Variants in PCLO observed in about 807,000 individuals in gnomAD.
PCLO encodes the protein protein piccolo.
PCLO carries 82 observed loss-of-function variants against 427.5 expected under a neutral mutation model. The observed-to-expected ratio is 0.19, with a 90% confidence interval of 0.16 to 0.23. PCLO has a LOEUF of 0.23. Ranked by LOEUF, PCLO falls within the 10% of genes least tolerant of loss-of-function variation. The pLI is 1.00. For missense variants in PCLO, 6,239 were observed against 6,115.9 expected (o/e 1.02, Z -0.67); for synonymous variants, 2,357 against 2,155.4 (o/e 1.09, Z -2.59).
At chr7:82,911,979 T>A (rs1487006155) in intron 7 of PCLO, among the ~76,000 whole-genome samples, 2 of 152,088 alleles carry the variant, frequency 1.3e-5, no homozygotes, top group African/African-American at 4.8e-5. Flanking sequence ...ATAAACTATA[T>A]CTATATAGAC....
rs76667866 is a variant in PCLO, at chr7:82,938,607, T to C, written c.11112+10869A>G. Among the ~76,000 whole-genome samples, 377 of 152,020 alleles carry C rather than the reference T, an allele frequency of 2.5e-3. 3 individuals carry two copies. The highest frequency in any genetic ancestry group is 8.8e-3 in the African/African-American group (364 of 41,540). Reference sequence around the variant, plus strand: ...GACCAGTGAGCATAAGGAGAAACAATGAAGAAATTCAAAAACATTTACTTA... The same window carrying C: ...GACCAGTGAGCATAAGGAGAAACAACGAAGAAATTCAAAAACATTTACTTA... On this transcript the variant is annotated intron_variant, in intron 6 of 24. Coordinates refer to ENST00000333891, the MANE Select transcript of PCLO (RefSeq NM_033026.6).
intron 6 of PCLO, among the ~76,000 whole-genome samples, chr7:82,923,657 C>T (rs1794647516): frequency 6.6e-6 from 1 of 151,966 alleles, no homozygotes; most frequent in Admixed American, 6.6e-5. Context: ...TGTTGCACTC[C>T]ATGTAGATAA....
chr7:82,777,682 A>C (rs1446847288), intron 22 of PCLO, among the ~76,000 whole-genome samples: 1 of 152,164 alleles, frequency 6.6e-6, no homozygotes, highest in Non-Finnish European at 1.5e-5. Flanking sequence ...TGCTGAGGTC[A>C]GCTAAGCCAG....
chr7:83,056,707 G>A (rs1350740252), intron 3 of PCLO, among the ~76,000 whole-genome samples: 1 of 152,044 alleles, frequency 6.6e-6, no homozygotes, highest in East Asian at 1.9e-4. Flanking sequence ...GATTAAGACT[G>A]GAAAGGAACT....
chr7:83,099,924 G>A (rs982771449), intron 3 of PCLO, among the ~76,000 whole-genome samples: 1 of 152,060 alleles, frequency 6.6e-6, no homozygotes, highest in African/African-American at 2.4e-5. Flanking sequence ...AGGTTTATAA[G>A]AAAGCATACT....
At chr7:82,981,281 G>A (rs1460351209) in intron 3 of PCLO, among the ~76,000 whole-genome samples, 2 of 151,616 alleles carry the variant, frequency 1.3e-5, no homozygotes, top group Admixed American at 6.6e-5. Flanking sequence ...AATACAGAGG[G>A]TACTTAGGCC....
At chr7:83,040,614 C>G (rs1455293523) in intron 3 of PCLO, among the ~76,000 whole-genome samples, 4 of 152,118 alleles carry the variant, frequency 2.6e-5, no homozygotes, top group African/African-American at 9.7e-5. Flanking sequence ...GACTAGCTGA[C>G]CTACATACAG....
chr7:83,160,004 A>G (rs1248759179), intron 1 of PCLO, among the ~76,000 whole-genome samples: 1 of 152,254 alleles, frequency 6.6e-6, no homozygotes, highest in African/African-American at 2.4e-5. Flanking sequence ...GAAAACTGAC[A>G]CATCAAAATA....
intron 3 of PCLO, among the ~76,000 whole-genome samples, chr7:83,073,649 T>C (rs968462763): frequency 6.6e-5 from 10 of 152,104 alleles, no homozygotes; most frequent in Admixed American, 5.2e-4. Flanking sequence ...ATATTAATTC[T>C]AAATTGCTTA....
intron 3 of PCLO, among the ~76,000 whole-genome samples, chr7:82,971,591 ATATATAT>A (rs946435679): frequency 8.2e-5 from 12 of 147,114 alleles, no homozygotes; most frequent in African/African-American, 2.7e-4. Context: ...ATAATATATA[ATATATAT>A]GATATGATAT....
intron 3 of PCLO, among the ~76,000 whole-genome samples, chr7:83,083,877 AT>A (rs2116408409): frequency 6.6e-6 from 1 of 152,262 alleles, no homozygotes; most frequent in Admixed American, 6.5e-5. Context: ...AATACATTTA[AT>A]TCTCATTTGG....
At chr7:82,912,388 A>T (rs1025765470) in intron 7 of PCLO, among the ~76,000 whole-genome samples, 3 of 151,874 alleles carry the variant, frequency 2.0e-5, no homozygotes, top group Non-Finnish European at 4.4e-5. Context: ...TGTGATACAT[A>T]AACAAAGAAA....
intron 3 of PCLO, among the ~76,000 whole-genome samples, chr7:83,038,368 C>T (rs2116195377): frequency 6.6e-6 from 1 of 151,580 alleles, no homozygotes; most frequent in South Asian, 2.1e-4. Flanking sequence ...TTATCACCCT[C>T]AGCCATTTCA....
chr7:82,996,266 T>C (rs1409648381), intron 3 of PCLO, among the ~76,000 whole-genome samples: 3 of 151,974 alleles, frequency 2.0e-5, no homozygotes, highest in Non-Finnish European at 4.4e-5. Context: ...TCAGTACTCT[T>C]GGGTATTTTC....
intron 6 of PCLO, among the ~76,000 whole-genome samples, chr7:82,948,756 ATAAT>A (rs1159483659): frequency 1.3e-5 from 2 of 152,154 alleles, no homozygotes; most frequent in African/African-American, 4.8e-5. Flanking sequence ...ATATTTGAAA[ATAAT>A]TAATTTATAT....
In PCLO at chr7:82,758,724, A is replaced by G; in HGVS notation, c.15289-9T>C. On this transcript the variant is annotated splice_polypyrimidine_tract_variant and intron_variant, in intron 24 of 24. Coordinates refer to ENST00000333891, the MANE Select transcript of PCLO (RefSeq NM_033026.6). ...TTGGAGAAAAGTAAAATCTAGAAAA[A>G]ATAGGCAAAAATAAACATATTTAAT... 1 of 1,521,718 alleles carries G rather than the reference A, an allele frequency of 6.6e-7. No individual in the cohort carries two copies. Among genetic ancestry groups the G allele is most frequent in the Non-Finnish European group, 9.1e-7 (1 of 1,102,328 alleles). 94.3% of individuals were successfully genotyped at this position (1,521,718 alleles called of 1,614,324 possible).
At position 82,954,452 on chromosome 7, in the gene PCLO, C is replaced by T. The variant is rs17148158; in HGVS notation, c.6501G>A (p.Ser2167=). The T allele has an allele frequency of 1.6e-3, 2,661 of 1,613,812 alleles. 33 individuals carry two copies. The African/African-American group carries it at 0.031, about 19-fold the overall frequency. ...CAGATGTAGCACTTTCTGAAGGCTCCGAGTAGGTCAAAATCAGCGATTCAT... is the reference window on the plus strand; with the variant it reads ...CAGATGTAGCACTTTCTGAAGGCTCTGAGTAGGTCAAAATCAGCGATTCAT... The part of the protein sequence containing the change: ...IAHESLILTY[S]EPSESATSVP... The change falls in exon 5 of 25, where the codon TCG becomes TCA. Residue 2167 remains serine, a synonymous_variant. Coordinates refer to ENST00000333891, the MANE Select transcript of PCLO (RefSeq NM_033026.6).
At chr7:82,967,087 A>G (rs1006739458) in intron 3 of PCLO, among the ~76,000 whole-genome samples, 9 of 152,166 alleles carry the variant, frequency 5.9e-5, no homozygotes, top group African/African-American at 2.2e-4. Context: ...CTTAATACTA[A>G]TCACATTACC....
chr7:82,760,820 A>G (rs1247517450), intron 23 of PCLO, 36 bp from the exon 24 acceptor site: 3 of 1,152,088 alleles, frequency 2.6e-6, no homozygotes, highest in Non-Finnish European at 2.4e-6. Context: ...AATTCCATCA[A>G]TCATATAAAT....
Sources: gnomAD v4.1 joint callset for allele counts (sites outside exome capture counted in the v4.1 genomes callset) on GRCh38, gnomAD v4.1.1 for gene constraint, MANE v1.5 for transcripts, NCBI Gene and HGNC (gene_info 2026-07-23, HGNC 2026-07-21) for gene names.